The following FBXO22 variants were observed in gnomAD, a reference collection of about 807,000 sequenced individuals.
The protein encoded by FBXO22 is F-box only protein 22.
Under a neutral mutation model 37.2 loss-of-function variants are expected in FBXO22, and 13 were observed. That is an observed-to-expected ratio of 0.35 (90% CI 0.23 to 0.56). The LOEUF (loss-of-function observed/expected upper bound fraction) is 0.56, where lower values mean the gene tolerates loss of function less well. Among genes scored for constraint, FBXO22 ranks in the 20% least tolerant of loss-of-function variants. The pLI, the probability that FBXO22 is intolerant of heterozygous loss-of-function variation, is 0.87. For missense variants in FBXO22, 446 were observed against 509.9 expected (o/e 0.87, Z 1.21); for synonymous variants, 189 against 189.1 (o/e 1.00, Z 0.00).
intron 1 of FBXO22, 78 bp from the exon 2 acceptor site, chr15:75,904,413 G>A: frequency 6.3e-7 from 1 of 1,593,732 alleles, no homozygotes; most frequent in Non-Finnish European, 8.6e-7. Flanking sequence ...TGCTGCGCCA[G>A]CGGGTGGGGG....
chr15:75,934,496 G>GTATT lies in FBXO22; in HGVS notation c.*1395_*1398dup, dbSNP rs1307352618. The GTATT allele has an allele frequency of 2.0e-5, 3 of 152,202 alleles. No individual in the cohort carries two copies. The highest frequency in any genetic ancestry group is 2.9e-5 in the Non-Finnish European group (2 of 67,998). The allele number at this position is 152,202 out of a possible 1,614,324, so 9.4% of individuals were successfully genotyped here. A position where few individuals can be genotyped will look rare whatever the true frequency, so the allele number is the denominator to read the frequency against. On this transcript the variant is annotated 3_prime_UTR_variant, in exon 7 of 7. Coordinates refer to ENST00000308275, the MANE Select transcript of FBXO22 (RefSeq NM_147188.3). ...ACTTGCAAGGTAAGTAAAACCAAAT[G>GTATT]TATTAGCATTATTCCTGCTTTTCCT...
intron 2 of FBXO22, among the ~76,000 whole-genome samples, chr15:75,908,917 T>C (rs760363797): frequency 2.0e-5 from 3 of 152,254 alleles, no homozygotes; most frequent in Non-Finnish European, 4.4e-5. Context: ...GCCATCATGC[T>C]ATCTGTCTCT....
chr15:75,941,940 CAAAAAAAA>C lies in FBXO22; in HGVS notation c.*8852_*8859del, dbSNP rs780414439. ...TTGCCACAGTAAATTTTTAAACCAC[CAAAAAAAA>C]AAAAAAAAAAAAATATGGCCTAGCT... is the stretch of plus-strand genomic sequence containing the variant. On this transcript the variant is annotated 3_prime_UTR_variant, in exon 7 of 7. Transcript: ENST00000308275. 3 of 24,866 alleles carry C rather than the reference CAAAAAAAA, an allele frequency of 1.2e-4. No homozygotes were observed. Among genetic ancestry groups the C allele is most frequent in the Admixed American group, 6.9e-4 (1 of 1,450 alleles). The allele number at this position is 24,866 out of a possible 1,614,324, so 1.5% of individuals were successfully genotyped here.
intron 5 of FBXO22, among the ~76,000 whole-genome samples, chr15:75,925,727 C>A: frequency 6.7e-6 from 1 of 149,448 alleles, no homozygotes; most frequent in Non-Finnish European, 1.5e-5. Flanking sequence ...ATGAGGCAGA[C>A]TTTATTTGGG....
intron 5 of FBXO22, among the ~76,000 whole-genome samples, chr15:75,922,136 T>A (rs922563096): frequency 3.3e-5 from 5 of 152,258 alleles, no homozygotes; most frequent in Admixed American, 1.3e-4. Flanking sequence ...TATACTTTTA[T>A]ACGACTGGCA....
chr15:75,937,601 G>T lies in FBXO22; in HGVS notation c.*4499G>T, dbSNP rs1304188991. ...AAAGGTTTACAGCAACCAAAAGAAT[G>T]CCCAATCATCTGCAGAATGGTAGGA... On this transcript the variant is annotated 3_prime_UTR_variant, in exon 7 of 7. Coordinates refer to ENST00000308275, the MANE Select transcript of FBXO22 (RefSeq NM_147188.3). The T allele has an allele frequency of 6.7e-6, 1 of 148,268 alleles. No individual in the cohort carries two copies. Among genetic ancestry groups the T allele is most frequent in the Non-Finnish European group, 1.5e-5 (1 of 67,866 alleles). 9.2% of individuals were successfully genotyped at this position (148,268 alleles called of 1,614,324 possible).
Position 75,932,884 on chromosome 15 carries a change from C to T in FBXO22, c.994C>T (p.Gln332Ter). The T allele has an allele frequency of 6.2e-7, 1 of 1,614,188 alleles. No homozygotes were observed. The highest frequency in any genetic ancestry group is 8.5e-7 in the Non-Finnish European group (1 of 1,180,034). Residue 332 changes from glutamine (Q) to a stop codon, truncating the protein, a stop_gained, in exon 7 of 7, where the codon CAG becomes TAG. Coordinates refer to ENST00000308275, the MANE Select transcript of FBXO22 (RefSeq NM_147188.3). LOFTEE classifies it high-confidence loss of function. ...GTTTGCATGCGTTGGCAGGGGCTTT[C>T]AGTATTACAGAGCCAAGGGGAATGT... is the stretch of plus-strand genomic sequence containing the variant. ...FMFACVGRGF[Q>*]YYRAKGNVEA...
chr15:75,932,804 C>CG lies in FBXO22; in HGVS notation c.915dup (p.Met306AspfsTer13). ...AGTGATGAGAAGACTGCTGAGGCTG[C>CG]GATGCAGCGCCTCAAAGCGGCCAAC... On this transcript the variant is annotated frameshift_variant, in exon 7 of 7. Transcript: ENST00000308275. LOFTEE classifies it high-confidence loss of function. 1 of 1,614,242 alleles carries CG rather than the reference C, an allele frequency of 6.2e-7. No individual in the cohort carries two copies. Among genetic ancestry groups the CG allele is most frequent in the African/African-American group, 1.3e-5 (1 of 75,054 alleles).
intron 2 of FBXO22, among the ~76,000 whole-genome samples, chr15:75,908,525 C>T (rs1304137511): frequency 6.6e-6 from 1 of 152,176 alleles, no homozygotes; most frequent in African/African-American, 2.4e-5. Flanking sequence ...CCACCGTGGC[C>T]TCCCAAAGTG....
intron 4 of FBXO22, among the ~76,000 whole-genome samples, chr15:75,915,425 C>G (rs1900159237): frequency 6.6e-6 from 1 of 152,168 alleles, no homozygotes; most frequent in Non-Finnish European, 1.5e-5. Flanking sequence ...TTCAGTTGCT[C>G]TAGCTGTGGT....
intron 6 of FBXO22, 90 bp downstream of exon 6, chr15:75,930,139 G>A (rs2029962595): frequency 1.3e-6 from 2 of 1,595,808 alleles, no homozygotes; most frequent in Admixed American, 1.7e-5. Flanking sequence ...TAAAAAACGT[G>A]TTTAAAGAAT....
Position 75,934,849 on chromosome 15 carries a change from A to C in FBXO22, c.*1747A>C, listed in dbSNP as rs2030210697. The stretch of plus-strand genomic sequence containing the variant: ...TAGTAGAGGAAAAGGGATTTTTAAA[A>C]CTGAAAATATGAACAAAATGAGCCT... On this transcript the variant is annotated 3_prime_UTR_variant, in exon 7 of 7. Coordinates refer to ENST00000308275, the MANE Select transcript of FBXO22 (RefSeq NM_147188.3). The C allele has an allele frequency of 6.6e-6, 1 of 152,234 alleles. No individual in the cohort carries two copies. Among genetic ancestry groups the C allele is most frequent in the African/African-American group, 2.4e-5 (1 of 41,460 alleles). 9.4% of individuals were successfully genotyped at this position (152,234 alleles called of 1,614,324 possible).
chr15:75,927,982 C>G (rs1185626997), intron 5 of FBXO22, among the ~76,000 whole-genome samples: 1 of 152,018 alleles, frequency 6.6e-6, no homozygotes, highest in Non-Finnish European at 1.5e-5. Flanking sequence ...ATACATGCGG[C>G]CAACAATCAT....
intron 5 of FBXO22, among the ~76,000 whole-genome samples, chr15:75,923,094 T>A (rs1900364380): frequency 6.6e-6 from 1 of 152,186 alleles, no homozygotes; most frequent in African/African-American, 2.4e-5. Flanking sequence ...CAGTACTCTG[T>A]CCTCTGTCCA....
At chr15:75,908,465 G>A (rs1175222999) in intron 2 of FBXO22, among the ~76,000 whole-genome samples, 1 of 152,040 alleles carries the variant, frequency 6.6e-6, no homozygotes, top group African/African-American at 2.4e-5. Flanking sequence ...TAGAGATGGG[G>A]TTTCACCATG....
At chr15:75,911,056 C>T (rs1257350725) in intron 2 of FBXO22, among the ~76,000 whole-genome samples, 2 of 152,180 alleles carry the variant, frequency 1.3e-5, no homozygotes, top group Admixed American at 6.5e-5. Context: ...TCAGAGTTGT[C>T]AAAGATCAGA....
At chr15:75,925,784 A>G (rs1454849042) in intron 5 of FBXO22, among the ~76,000 whole-genome samples, 5 of 152,096 alleles carry the variant, frequency 3.3e-5, no homozygotes, top group Non-Finnish European at 5.9e-5. Flanking sequence ...GATCAGGCTC[A>G]ACTCCAAATG....
rs75336563 is a variant in FBXO22, at chr15:75,938,273, A to C, written c.*5171A>C. The C allele has an allele frequency of 2.5e-3, 378 of 152,344 alleles. 3 individuals carry two copies. The highest frequency in any genetic ancestry group is 8.7e-3 in the African/African-American group (362 of 41,568). 9.4% of individuals were successfully genotyped at this position (152,344 alleles called of 1,614,324 possible). ...GGAAAACTCTCAAAACAAATGGATGACAGCTTTTAAAAATAAAAAAACAAT... is the reference window on the plus strand; with the variant it reads ...GGAAAACTCTCAAAACAAATGGATGCCAGCTTTTAAAAATAAAAAAACAAT... On this transcript the variant is annotated 3_prime_UTR_variant, in exon 7 of 7. Coordinates refer to ENST00000308275, the MANE Select transcript of FBXO22 (RefSeq NM_147188.3).
At chr15:75,913,540 A>C (rs993491790) in intron 3 of FBXO22, among the ~76,000 whole-genome samples, 17 of 152,156 alleles carry the variant, frequency 1.1e-4, no homozygotes, top group African/African-American at 3.4e-4. Flanking sequence ...GAGATGCTTT[A>C]ATTCTCCAGG....
Sources: gnomAD v4.1 joint callset for allele counts (sites outside exome capture counted in the v4.1 genomes callset) on GRCh38, gnomAD v4.1.1 for gene constraint, MANE v1.5 for transcripts, NCBI Gene and HGNC (gene_info 2026-07-23, HGNC 2026-07-21) for gene names.